RFX7: variants seen among roughly 807,000 people sequenced by gnomAD.
RFX7 encodes DNA-binding protein RFX7.
Under a neutral mutation model 111.8 loss-of-function variants are expected in RFX7, and 26 were observed. The ratio of observed to expected loss-of-function variants is 0.23; its 90% CI spans 0.17 to 0.32. The LOEUF (loss-of-function observed/expected upper bound fraction) is 0.32, where lower values mean the gene tolerates loss of function less well. RFX7 is among the 10% of genes least tolerant of loss of function. The probability of loss-of-function intolerance (pLI) is 1.00; values close to 1 mark genes in which losing one functional copy is unlikely to be tolerated. For synonymous variants in RFX7, 624 were observed against 624.4 expected (o/e 1.00, Z 0.01); for missense variants, 1,573 against 1,772.9 (o/e 0.89, Z 2.02).
intron 4 of RFX7, among the ~76,000 whole-genome samples, chr15:56,143,469 T>G (rs1429090652): frequency 2.0e-5 from 3 of 151,858 alleles, no homozygotes; most frequent in African/African-American, 7.3e-5. Flanking sequence ...CAGACAAATC[T>G]CCCCCTACAA....
intron 3 of RFX7, among the ~76,000 whole-genome samples, chr15:56,152,943 T>G (rs1028708904): frequency 3.3e-5 from 5 of 152,048 alleles, no homozygotes; most frequent in Non-Finnish European, 7.4e-5. Context: ...TCTATGCAAA[T>G]AAACTGGAAA....
chr15:56,237,814 T>G (rs2043641787), intron 2 of RFX7, among the ~76,000 whole-genome samples: 1 of 152,160 alleles, frequency 6.6e-6, no homozygotes, highest in African/African-American at 2.4e-5. Context: ...CAGTTTAAAA[T>G]CATAGGAGAG....
At chr15:56,236,962 C>G (rs2043630473) in intron 2 of RFX7, among the ~76,000 whole-genome samples, 1 of 151,870 alleles carries the variant, frequency 6.6e-6, no homozygotes, top group Non-Finnish European at 1.5e-5. Flanking sequence ...TAACAGAACC[C>G]TTGCACAAGG....
Position 56,093,266 on chromosome 15 carries a change from C to A in RFX7, c.*79G>T. ...AATGTCACAATTAATAGTATTTCTG[C>A]TGCGGGAGGCACTTCCATTAAGACA... On this transcript the variant is annotated 3_prime_UTR_variant, in exon 10 of 10. Transcript: ENST00000559447. The A allele has an allele frequency of 8.2e-7, 1 of 1,219,668 alleles. No individual in the cohort carries two copies. Among genetic ancestry groups the A allele is most frequent in the Non-Finnish European group, 1.1e-6 (1 of 894,634 alleles). 75.6% of individuals were successfully genotyped at this position (1,219,668 alleles called of 1,614,324 possible). A position where few individuals can be genotyped will look rare whatever the true frequency, so the allele number is the denominator to read the frequency against.
intron 2 of RFX7, among the ~76,000 whole-genome samples, chr15:56,204,329 C>T (rs1439808147): frequency 1.3e-5 from 2 of 151,892 alleles, no homozygotes; most frequent in African/African-American, 2.4e-5. Context: ...TGATCACGAA[C>T]CTTAATATGC....
Position 56,243,133 on chromosome 15 carries a change from G to A in RFX7, c.153C>T (p.Asn51=), listed in dbSNP as rs1213748867. Residue 51 remains asparagine (N), a synonymous_variant, in exon 2 of 10, where the codon AAC becomes AAT. Coordinates refer to ENST00000559447, the MANE Select transcript of RFX7 (RefSeq NM_022841.7). ...ATGGAGGATCCTCTTACCAGATGGAGTTCTTGATCTTGTGTTGCAGCGCGC... is the reference window on the plus strand; with the variant it reads ...ATGGAGGATCCTCTTACCAGATGGAATTCTTGATCTTGTGTTGCAGCGCGC... The part of the protein sequence containing the change: ...EASALQHKIK[N]SICKTVQSKV... 6 of 1,362,482 alleles carry A rather than the reference G, an allele frequency of 4.4e-6. No individual in the cohort carries two copies. The highest frequency in any genetic ancestry group is 5.9e-6 in the Non-Finnish European group (6 of 1,020,126). 84.4% of individuals were successfully genotyped at this position (1,362,482 alleles called of 1,614,324 possible).
At chr15:56,106,183 C>G (rs1227942081) in intron 5 of RFX7, among the ~76,000 whole-genome samples, 2 of 152,110 alleles carry the variant, frequency 1.3e-5, no homozygotes, top group Non-Finnish European at 2.9e-5. Context: ...ATACAGATGA[C>G]CAATGCCAAA....
chr15:56,166,951 C>A (rs1184259931), intron 3 of RFX7, among the ~76,000 whole-genome samples: 1 of 152,092 alleles, frequency 6.6e-6, no homozygotes, highest in African/African-American at 2.4e-5. Context: ...ATTACTATTC[C>A]AAGGAGCATA....
chr15:56,235,672 A>G lies in RFX7; in HGVS notation c.161+7453T>C, dbSNP rs970234418. Among the ~76,000 whole-genome samples, 53 of 152,158 alleles carry G rather than the reference A, an allele frequency of 3.5e-4. 1 individual carries two copies. The highest frequency in any genetic ancestry group is 8.8e-5 in the Non-Finnish European group (6 of 68,034). The stretch of plus-strand genomic sequence containing the variant: ...ATTAAAAATTACTGATTTTGGAAAG[A>G]AAAAGGGTGGCAATTATAGGGCATG... On this transcript the variant is annotated intron_variant, in intron 2 of 9. Transcript: ENST00000559447.
chr15:56,129,252 G>A (rs891422799), intron 5 of RFX7, among the ~76,000 whole-genome samples: 11 of 151,984 alleles, frequency 7.2e-5, no homozygotes, highest in Non-Finnish European at 1.3e-4. Flanking sequence ...GTGCATGCCT[G>A]TAGTCCCAGC....
intron 5 of RFX7, among the ~76,000 whole-genome samples, chr15:56,129,218 T>G (rs376483648): frequency 1.3e-5 from 2 of 151,758 alleles, no homozygotes; most frequent in African/African-American, 2.4e-5. Context: ...CTATAATAAA[T>G]ATAAAAATTA....
Position 56,154,050 on chromosome 15 carries a change from T to A in RFX7, c.196-9567A>T, listed in dbSNP as rs567527220. Among the ~76,000 whole-genome samples the A allele has an allele frequency of 5.9e-5, 9 of 152,120 alleles. No homozygotes were observed. In the East Asian group the frequency reaches 1.7e-3, roughly 29 times the overall value. On this transcript the variant is annotated intron_variant, in intron 3 of 9. Transcript: ENST00000559447. ...CCATTCATAATCACTACTAAGAGAATAAAATACCTAGGAATACAACTTACA... is the reference window on the plus strand; with the variant it reads ...CCATTCATAATCACTACTAAGAGAAAAAAATACCTAGGAATACAACTTACA...
At position 56,241,961 on chromosome 15, in the gene RFX7, T is replaced by G. The variant is rs779034466; in HGVS notation, c.161+1164A>C. Among the ~76,000 whole-genome samples, 4 of 152,330 alleles carry G rather than the reference T, an allele frequency of 2.6e-5. No homozygotes were observed. The East Asian group carries it at 7.7e-4, about 29-fold the overall frequency. Reference sequence around the variant, plus strand: ...TGCATGCCAAGAAAATAATGAAAATTACTATATAACTAACCTAAATCTTGT... The same window carrying G: ...TGCATGCCAAGAAAATAATGAAAATGACTATATAACTAACCTAAATCTTGT... On this transcript the variant is annotated intron_variant, in intron 2 of 9. Coordinates refer to ENST00000559447, the MANE Select transcript of RFX7 (RefSeq NM_022841.7).
chr15:56,112,379 C>CAAAAAAAAAAAAAAAAAAA (rs71110374), intron 5 of RFX7, among the ~76,000 whole-genome samples: 4 of 71,766 alleles, frequency 5.6e-5, no homozygotes, highest in Non-Finnish European at 1.0e-4. Context: ...GAGTACAAAT[C>CAAAAAAAAAAAAAAAAAAA]AAAAAAAAAA....
chr15:56,195,253 C>T (rs181106171), intron 2 of RFX7, among the ~76,000 whole-genome samples: 3 of 151,980 alleles, frequency 2.0e-5, no homozygotes, highest in East Asian at 1.9e-4. Flanking sequence ...GTTGGGGTTG[C>T]GGAAATGAAG....
chr15:56,181,866 A>G (rs2141138911), intron 2 of RFX7, among the ~76,000 whole-genome samples: 1 of 152,256 alleles, frequency 6.6e-6, no homozygotes, highest in East Asian at 1.9e-4. Flanking sequence ...GGGGCCACAC[A>G]GCAGGAGGTG....
rs1186560346 is a variant in RFX7, at chr15:56,243,608, G to A, written c.-166C>T. On this transcript the variant is annotated 5_prime_UTR_variant, in exon 1 of 10. Transcript: ENST00000559447. ...CCTCCCGTCAGCGGCCGGGGCTGTG[G>A]GGGGGTGAGATGGGGGCGTTTGAAG... is the stretch of plus-strand genomic sequence containing the variant. The A allele has an allele frequency of 4.9e-6, 2 of 409,284 alleles. No homozygotes were observed. The highest frequency in any genetic ancestry group is 4.4e-5 in the African/African-American group (2 of 45,416). 25.4% of individuals were successfully genotyped at this position (409,284 alleles called of 1,614,324 possible).
At chr15:56,136,690 G>A (rs1260912405) in intron 5 of RFX7, among the ~76,000 whole-genome samples, 1 of 150,758 alleles carries the variant, frequency 6.6e-6, no homozygotes, top group Non-Finnish European at 1.5e-5. Flanking sequence ...TCCCTGTCTT[G>A]TGCCAGTTTT....
intron 5 of RFX7, among the ~76,000 whole-genome samples, chr15:56,132,188 C>T (rs187111981): frequency 1.1e-4 from 16 of 152,076 alleles, no homozygotes; most frequent in East Asian, 7.7e-4. Flanking sequence ...TCAAAATCCC[C>T]TTAGAGTTTC....
Sources: gnomAD v4.1 joint callset for allele counts (sites outside exome capture counted in the v4.1 genomes callset) on GRCh38, gnomAD v4.1.1 for gene constraint, MANE v1.5 for transcripts, NCBI Gene and HGNC (gene_info 2026-07-23, HGNC 2026-07-21) for gene names.